The following SLC16A2 variants were observed in gnomAD, a reference collection of about 807,000 sequenced individuals.
SLC16A2 encodes solute carrier family 16 member 2, also known as monocarboxylate transporter 8.
SLC16A2 carries 3 observed loss-of-function variants against 27.2 expected under a neutral mutation model. The observed-to-expected ratio is 0.11, with a 90% confidence interval of 0.05 to 0.28. The LOEUF is 0.28. Ranked by LOEUF, SLC16A2 falls within the 10% of genes least tolerant of loss-of-function variation. The pLI is 1.00. For synonymous variants in SLC16A2, 202 were observed against 187.8 expected (o/e 1.08, Z -0.62); for missense variants, 295 against 458.5 (o/e 0.64, Z 3.26).
chrX:74,525,352 C>G (rs182250817), intron 3 of SLC16A2, among the ~76,000 whole-genome samples: 4 of 112,206 alleles, frequency 3.6e-5, no homozygotes, highest in Non-Finnish European at 7.5e-5. Flanking sequence ...TTCATGTTTC[C>G]TAAAACACAC....
chrX:74,487,055 G>A (rs1929734241), intron 1 of SLC16A2, among the ~76,000 whole-genome samples: 2 of 111,038 alleles, frequency 1.8e-5, no homozygotes, highest in East Asian at 2.8e-4. Flanking sequence ...CTATTAACCT[G>A]TAGGTTTTTA....
Position 74,439,878 on chromosome X carries a change from G to A in SLC16A2, c.430+17811G>A, listed in dbSNP as rs185072600. Among the ~76,000 whole-genome samples the A allele has an allele frequency of 4.8e-3, 530 of 111,289 alleles. 2 individuals are homozygous for A. The highest frequency in any genetic ancestry group is 0.016 in the African/African-American group (496 of 30,600). On this transcript the variant is annotated intron_variant, in intron 1 of 5. Transcript: ENST00000587091. ...GGAATTAAATGAGGTGAGACAAAAA[G>A]GAGAAAAGTTACGCCCACTTTGAGG...
At chrX:74,477,953 C>T (rs7877288) in intron 1 of SLC16A2, among the ~76,000 whole-genome samples, 34,288 of 110,880 alleles carry the variant, frequency 0.31, 5,061 homozygotes, top group East Asian at 0.86. Context: ...CTGAAAAGAA[C>T]GCATATTCTG....
intron 1 of SLC16A2, among the ~76,000 whole-genome samples, chrX:74,489,961 T>TCA (rs1473270906): frequency 4.4e-5 from 1 of 22,918 alleles, no homozygotes; most frequent in South Asian, 3.2e-3. Context: ...ATTATAAAGG[T>TCA]CACACACATA....
intron 1 of SLC16A2, among the ~76,000 whole-genome samples, chrX:74,518,548 G>A (rs1033989781): frequency 3.7e-5 from 4 of 108,097 alleles, no homozygotes; most frequent in Admixed American, 2.0e-4. Context: ...CCAAGATTGC[G>A]CCTCTGCACT....
chrX:74,507,855 C>CT (rs749514136), intron 1 of SLC16A2, among the ~76,000 whole-genome samples: 4 of 111,952 alleles, frequency 3.6e-5, no homozygotes, highest in African/African-American at 6.5e-5. Flanking sequence ...ATGGTATTCC[C>CT]TTGTGTATAT....
Position 74,470,766 on chromosome X carries a change from G to A in SLC16A2, c.430+48699G>A, listed in dbSNP as rs757941918. ...ATCCTGGCTAACACAGTGAAACCCC[G>A]TCTCTACTAAAAATACAAAAAATTA... On this transcript the variant is annotated intron_variant, in intron 1 of 5. Transcript: ENST00000587091. 1.2e-4 allele frequency among the ~76,000 whole-genome samples: 13 copies of A among 110,517 alleles called. No homozygotes were observed. The South Asian group carries it at 5.0e-3, about 42-fold the overall frequency.
intron 2 of SLC16A2, among the ~76,000 whole-genome samples, 180 bp downstream of exon 2, chrX:74,521,314 C>G (rs1346519004): frequency 1.8e-5 from 2 of 112,100 alleles, no homozygotes; most frequent in Non-Finnish European, 3.8e-5. Context: ...GTCCCCAGGA[C>G]ACATTGGTAG....
intron 1 of SLC16A2, among the ~76,000 whole-genome samples, chrX:74,506,129 C>T (rs1052897342): frequency 9.0e-6 from 1 of 111,669 alleles, no homozygotes; most frequent in Non-Finnish European, 1.9e-5. Flanking sequence ...ATTTCACACT[C>T]ACTCCTTCTG....
At chrX:74,516,696 G>A (rs932368433) in intron 1 of SLC16A2, among the ~76,000 whole-genome samples, 9 of 111,642 alleles carry the variant, frequency 8.1e-5, no homozygotes, top group Middle Eastern at 4.6e-3. Flanking sequence ...CCCATAGGCA[G>A]GCAGGATAAA....
intron 1 of SLC16A2, among the ~76,000 whole-genome samples, chrX:74,474,663 T>C (rs1038745218): frequency 9.1e-6 from 1 of 110,434 alleles, no homozygotes; most frequent in Non-Finnish European, 1.9e-5. Context: ...TGGTGTGTGA[T>C]GTTCCCCTTC....
chrX:74,527,197 A>G (rs1182340128), intron 4 of SLC16A2, among the ~76,000 whole-genome samples: 1 of 112,178 alleles, frequency 8.9e-6, no homozygotes, highest in Non-Finnish European at 1.9e-5. Context: ...CTGACCACCC[A>G]CCCACTGCTC....
intron 2 of SLC16A2, among the ~76,000 whole-genome samples, chrX:74,523,548 C>A (rs185750611): frequency 8.9e-6 from 1 of 112,136 alleles, no homozygotes; most frequent in African/African-American, 3.2e-5. Context: ...CTTTATGTTA[C>A]AGAGGCTTAT....
chrX:74,480,915 T>A lies in SLC16A2; in HGVS notation c.431-40075T>A, dbSNP rs753744985. On this transcript the variant is annotated intron_variant, in intron 1 of 5. Coordinates refer to ENST00000587091, the MANE Select transcript of SLC16A2 (RefSeq NM_006517.5). ...AAAAAATTCCCTTTTATTCCTAGTT[T>A]GTTGAATGTTTTTATTGTGAAAGAA... Among the ~76,000 whole-genome samples the A allele has an allele frequency of 1.1e-3, 119 of 112,365 alleles. 1 individual carries two copies. The highest frequency in any genetic ancestry group is 2.1e-3 in the Admixed American group (22 of 10,649).
chrX:74,529,277 G>A lies in SLC16A2; in HGVS notation c.1235G>A (p.Gly412Asp), dbSNP rs1312142074. The part of the protein sequence containing the change: ...MMIPLCRDFG[G>D]LIVVCLFLGL... ...ATTCCCCTGTGCCGGGACTTCGGGG[G>A]CCTTATCGTCGTCTGTCTTTTCCTG... The change falls in exon 5 of 6, where the codon GGC becomes GAC. Residue 412 changes from glycine to aspartate, a missense_variant. This residue lies in a region of SLC16A2 where 144 missense variants were observed against 219.8 expected (regional missense o/e 0.66). Transcript: ENST00000587091. 4.1e-6 allele frequency: 5 copies of A among 1,210,442 alleles called. No homozygotes were observed. The highest frequency in any genetic ancestry group is 5.6e-6 in the Non-Finnish European group (5 of 895,235).
intron 1 of SLC16A2, among the ~76,000 whole-genome samples, chrX:74,448,361 C>T (rs1252933285): frequency 1.0e-5 from 1 of 99,127 alleles, no homozygotes; most frequent in Non-Finnish European, 2.0e-5. Context: ...GGGCAGGAGC[C>T]TACAGCAAAG....
intron 1 of SLC16A2, among the ~76,000 whole-genome samples, chrX:74,472,386 T>A (rs1361570865): frequency 1.8e-5 from 2 of 111,799 alleles, no homozygotes; most frequent in African/African-American, 6.5e-5. Flanking sequence ...TGGTGTCATG[T>A]AGGAATTCAG....
At chrX:74,503,892 C>A (rs1281094511) in intron 1 of SLC16A2, among the ~76,000 whole-genome samples, 1 of 111,729 alleles carries the variant, frequency 9.0e-6, no homozygotes, top group Non-Finnish European at 1.9e-5. Context: ...TACTTGAGGG[C>A]AAGTAAATGG....
intron 1 of SLC16A2, among the ~76,000 whole-genome samples, chrX:74,485,953 C>T (rs1376717390): frequency 2.7e-5 from 3 of 111,055 alleles, no homozygotes; most frequent in Admixed American, 1.9e-4. Flanking sequence ...GGACCAGAAG[C>T]GTGTGCAGTT....
Sources: gnomAD v4.1 joint callset for allele counts (sites outside exome capture counted in the v4.1 genomes callset) on GRCh38, gnomAD v4.1.1 for gene constraint, gnomAD v4.1.1 regional missense constraint, MANE v1.5 for transcripts, NCBI Gene and HGNC (gene_info 2026-07-23, HGNC 2026-07-21) for gene names.